RGL1: variants seen among roughly 807,000 people sequenced by gnomAD.
RGL1 encodes the protein ral guanine nucleotide dissociation stimulator-like 1.
Under a neutral mutation model 95.2 loss-of-function variants are expected in RGL1, and 24 were observed. That is an observed-to-expected ratio of 0.25 (90% CI 0.18 to 0.35). The LOEUF (loss-of-function observed/expected upper bound fraction) is 0.35, where lower values mean the gene tolerates loss of function less well. Among genes scored for constraint, RGL1 ranks in the 10% least tolerant of loss-of-function variants. The pLI, the probability that RGL1 is intolerant of heterozygous loss-of-function variation, is 1.00. For missense variants in RGL1, 715 were observed against 936.3 expected (o/e 0.76, Z 3.08); for synonymous variants, 329 against 344.9 (o/e 0.95, Z 0.51).
chr1:183,791,725 T>C (rs1305308322), intron 2 of RGL1, among the ~76,000 whole-genome samples: 1 of 152,264 alleles, frequency 6.6e-6, no homozygotes, highest in African/African-American at 2.4e-5. Flanking sequence ...AAATCTCCTG[T>C]CTGAAGTATT....
intron 2 of RGL1, among the ~76,000 whole-genome samples, chr1:183,808,253 C>T (rs1188188109): frequency 6.6e-6 from 1 of 152,212 alleles, no homozygotes; most frequent in African/African-American, 2.4e-5. Context: ...TCTTCTCTCT[C>T]CCTTCTCTCA....
chr1:183,703,900 C>T (rs892644053), intron 1 of RGL1, among the ~76,000 whole-genome samples: 4 of 151,964 alleles, frequency 2.6e-5, no homozygotes, highest in East Asian at 1.9e-4. Context: ...GAGAATAGGG[C>T]GGAGAAGTTG....
chr1:183,728,460 T>A (rs1656435020), intron 1 of RGL1, among the ~76,000 whole-genome samples: 1 of 152,126 alleles, frequency 6.6e-6, no homozygotes, highest in African/African-American at 2.4e-5. Flanking sequence ...TTAAATAAAG[T>A]ATATGTTAAA....
intron 11 of RGL1, 33 bp from the exon 12 acceptor site, chr1:183,902,535 G>C: frequency 6.3e-7 from 1 of 1,593,712 alleles, no homozygotes; most frequent in Non-Finnish European, 8.5e-7. Context: ...AAGTAGCTTG[G>C]TTGCTCACTC....
intron 1 of RGL1, among the ~76,000 whole-genome samples, chr1:183,680,317 C>G (rs1653124984): frequency 6.6e-6 from 1 of 152,000 alleles, no homozygotes; most frequent in South Asian, 2.1e-4. Flanking sequence ...ATGGTATTGC[C>G]TAGGTTTTCT....
rs2102646936 is a variant in RGL1 at position 183,883,846 on chromosome 1, A to G, written c.671A>G (p.Glu224Gly). ...GAGGAAGAGGAACTGGAGGGTGGAG[A>G]GTCAGCAGAATTCACGTGCTTCTCA... Reference protein sequence around the residue: ...LEEEEELEGGESAEFTCFSED... With the variant: ...LEEEEELEGGGSAEFTCFSED... Residue 224 changes from glutamate (E) to glycine (G), a missense_variant, in exon 6 of 18, where the codon GAG (glutamate) becomes GGG (glycine). Around this residue, in one of 3 missense-constraint regions of RGL1, gnomAD observed 381 missense variants for 484.8 expected, o/e 0.79. Coordinates refer to ENST00000360851, the MANE Select transcript of RGL1 (RefSeq NM_001297671.3). The G allele has an allele frequency of 1.2e-6, 2 of 1,614,134 alleles. No individual in the cohort carries two copies. The highest frequency in any genetic ancestry group is 1.7e-6 in the Non-Finnish European group (2 of 1,179,942).
chr1:183,716,878 C>T (rs1269625498), intron 1 of RGL1, among the ~76,000 whole-genome samples: 1 of 152,218 alleles, frequency 6.6e-6, no homozygotes, highest in Non-Finnish European at 1.5e-5. Context: ...TGCCTGGATG[C>T]AGTGAAGGTC....
At chr1:183,788,435 C>G (rs1660284861) in intron 2 of RGL1, among the ~76,000 whole-genome samples, 1 of 152,210 alleles carries the variant, frequency 6.6e-6, no homozygotes, top group Admixed American at 6.5e-5. Context: ...GGAGAGCAAT[C>G]TATTTTACAG....
chr1:183,776,440 GC>G (rs1425580971), intron 2 of RGL1, among the ~76,000 whole-genome samples: 21 of 151,996 alleles, frequency 1.4e-4, no homozygotes, highest in Admixed American at 1.3e-3. Flanking sequence ...GAGCCACCGC[GC>G]CCGGCCAGAT....
intron 1 of RGL1, among the ~76,000 whole-genome samples, chr1:183,637,224 C>T (rs1216007059): frequency 6.6e-6 from 1 of 152,140 alleles, no homozygotes; most frequent in African/African-American, 2.4e-5. Flanking sequence ...ATGCATGTTG[C>T]TTGTACCATT....
chr1:183,795,170 C>T (rs140008651), intron 2 of RGL1, among the ~76,000 whole-genome samples: 1,699 of 152,180 alleles, frequency 0.011, 30 homozygotes, highest in African/African-American at 0.039. Flanking sequence ...TGTCCAGCCA[C>T]ACTTACTGAG....
At chr1:183,659,098 A>G (rs1288753409) in intron 1 of RGL1, among the ~76,000 whole-genome samples, 1 of 152,146 alleles carries the variant, frequency 6.6e-6, no homozygotes, top group Non-Finnish European at 1.5e-5. Context: ...AAAACCACAA[A>G]GATGGGGAAA....
At chr1:183,760,594 C>CAA (rs71555414) in intron 2 of RGL1, among the ~76,000 whole-genome samples, 19 of 90,662 alleles carry the variant, frequency 2.1e-4, no homozygotes, top group South Asian at 7.0e-4. Flanking sequence ...AAAAAAAAAA[C>CAA]AAACCTGGGT....
At chr1:183,716,628 G>A (rs559707934) in intron 1 of RGL1, among the ~76,000 whole-genome samples, 6 of 152,274 alleles carry the variant, frequency 3.9e-5, no homozygotes, top group South Asian at 4.1e-4. Flanking sequence ...GTTTGGGGGC[G>A]GCTGAAAAAT....
intron 2 of RGL1, among the ~76,000 whole-genome samples, chr1:183,814,197 CAGAG>C (rs35425847): frequency 6.6e-6 from 1 of 151,234 alleles, no homozygotes; most frequent in Non-Finnish European, 1.5e-5. Flanking sequence ...TAGTCTCATA[CAGAG>C]AGAGAGAGAG....
intron 1 of RGL1, among the ~76,000 whole-genome samples, chr1:183,671,311 T>C (rs1170516946): frequency 6.6e-6 from 1 of 152,260 alleles, no homozygotes; most frequent in African/African-American, 2.4e-5. Flanking sequence ...TGTTTAAGTC[T>C]TTGTGTGAAC....
At chr1:183,804,404 T>C (rs1572431972), upstream of RGL1, among the ~76,000 whole-genome samples, 2 of 152,350 alleles carry the variant, frequency 1.3e-5, no homozygotes, top group Admixed American at 6.5e-5. Context: ...CTTTCCATTA[T>C]GATAAAACTC....
intron 13 of RGL1, 123 bp from the exon 14 acceptor site, chr1:183,906,889 G>A: frequency 3.0e-6 from 2 of 675,720 alleles, no homozygotes; most frequent in Non-Finnish European, 5.4e-6. Context: ...GACAACGTTT[G>A]TATATATCTT....
intron 3 of RGL1, among the ~76,000 whole-genome samples, chr1:183,853,727 CAGTA>C (rs1373582370): frequency 6.6e-6 from 1 of 152,166 alleles, no homozygotes; most frequent in Non-Finnish European, 1.5e-5. Flanking sequence ...AACATTCAAT[CAGTA>C]AGTAGCAGAG....
Sources: gnomAD v4.1 joint callset for allele counts (sites outside exome capture counted in the v4.1 genomes callset) on GRCh38, gnomAD v4.1.1 for gene constraint, gnomAD v4.1.1 regional missense constraint, MANE v1.5 for transcripts, NCBI Gene and HGNC (gene_info 2026-07-23, HGNC 2026-07-21) for gene names.